Variants in GNA14 observed in about 807,000 individuals in gnomAD.
GNA14 encodes guanine nucleotide-binding protein subunit alpha-14.
GNA14 carries 50 observed loss-of-function variants against 42.0 expected under a neutral mutation model. That is an observed-to-expected ratio of 1.19 (90% CI 0.95 to 1.51). GNA14 has a LOEUF of 1.51. Among genes scored for constraint, GNA14 ranks in the 40% most tolerant of loss-of-function variants. The pLI is 0.00. For missense variants in GNA14, 473 were observed against 446.2 expected (o/e 1.06, Z -0.54); for synonymous variants, 173 against 163.1 (o/e 1.06, Z -0.46).
intron 2 of GNA14, among the ~76,000 whole-genome samples, chr9:77,483,404 A>ATGC (rs1305632272): frequency 6.6e-6 from 1 of 152,134 alleles, no homozygotes; most frequent in Non-Finnish European, 1.5e-5. Flanking sequence ...TGACCTGCAA[A>ATGC]TGCTGCTGCC....
intron 1 of GNA14, among the ~76,000 whole-genome samples, chr9:77,618,844 G>A (rs1021842783): frequency 1.7e-4 from 26 of 149,140 alleles, no homozygotes; most frequent in Admixed American, 1.3e-3. Flanking sequence ...CGTTTTAGCC[G>A]GGATGGTCTC....
At chr9:77,524,114 C>T (rs1837399824) in intron 2 of GNA14, among the ~76,000 whole-genome samples, 1 of 152,152 alleles carries the variant, frequency 6.6e-6, no homozygotes. Flanking sequence ...ATAAAACACT[C>T]TTGAGAGACA....
intron 2 of GNA14, among the ~76,000 whole-genome samples, chr9:77,472,788 A>ATCTCTCTCGATCTC (rs1836354744): frequency 7.0e-6 from 1 of 142,018 alleles, no homozygotes; most frequent in Non-Finnish European, 1.5e-5. Flanking sequence ...ACATGACATG[A>ATCTCTCTCGATCTC]TCTCTCTCTC....
chr9:77,425,574 G>A lies in GNA14; in HGVS notation c.865C>T (p.Pro289Ser). The A allele has an allele frequency of 1.2e-5, 20 of 1,604,780 alleles. No homozygotes were observed. The highest frequency in any genetic ancestry group is 1.5e-5 in the Non-Finnish European group (18 of 1,174,560). ...GATAGACACTTACCTGTGTATTCTG[G>A]GAAATAGCTAATTAGATGAGAGTAC... ...IMYSHLISYFPEYTGPKQDVR... is the reference protein window; with the variant it reads ...IMYSHLISYFSEYTGPKQDVR... Residue 289 changes from proline to serine, a missense_variant, in exon 6 of 7, where the codon CCA becomes TCA. Transcript: ENST00000341700.
At chr9:77,533,324 C>A (rs568574420) in intron 1 of GNA14, among the ~76,000 whole-genome samples, 5 of 152,158 alleles carry the variant, frequency 3.3e-5, no homozygotes, top group Non-Finnish European at 5.9e-5. Flanking sequence ...GGATTAGAGG[C>A]GTGTGCCACC....
intron 1 of GNA14, among the ~76,000 whole-genome samples, chr9:77,642,405 C>G (rs1007084412): frequency 1.3e-5 from 2 of 151,952 alleles, no homozygotes; most frequent in African/African-American, 4.8e-5. Context: ...CATATTATGG[C>G]AAAAAAGCAA....
intron 2 of GNA14, among the ~76,000 whole-genome samples, chr9:77,507,559 AC>A (rs1564035404): frequency 6.6e-6 from 1 of 152,190 alleles, no homozygotes; most frequent in East Asian, 1.9e-4. Context: ...TCATAAAAAA[AC>A]AGCTGTATTT....
At chr9:77,579,492 A>G (rs1035593401) in intron 1 of GNA14, among the ~76,000 whole-genome samples, 3 of 152,064 alleles carry the variant, frequency 2.0e-5, no homozygotes, top group African/African-American at 4.8e-5. Flanking sequence ...TAATTTCCCC[A>G]AAATCTAGTT....
intron 2 of GNA14, 134 bp from the exon 3 acceptor site, chr9:77,434,656 C>T: frequency 1.4e-6 from 1 of 698,586 alleles, no homozygotes; most frequent in Non-Finnish European, 2.4e-6. Flanking sequence ...TGGGCACCCT[C>T]CCAGGGGCCG....
intron 2 of GNA14, among the ~76,000 whole-genome samples, chr9:77,519,792 C>G (rs541041503): frequency 3.9e-5 from 6 of 152,100 alleles, no homozygotes; most frequent in African/African-American, 1.4e-4. Flanking sequence ...GGGTGCACAC[C>G]TGAGATCAGG....
chr9:77,617,581 A>G lies in GNA14; in HGVS notation c.124+30089T>C, dbSNP rs555647163. 3.9e-4 allele frequency among the ~76,000 whole-genome samples: 59 copies of G among 152,262 alleles called. 1 individual carries two copies. In the Middle Eastern group the frequency reaches 0.01, roughly 26 times the overall value. ...CACCATTACCACATGTTATCTGTCC[A>G]GCAATCAGAGCTTTCTTTTTAAAAA... On this transcript the variant is annotated intron_variant, in intron 1 of 6. Transcript: ENST00000341700.
chr9:77,640,201 G>A (rs1824236348), intron 1 of GNA14, among the ~76,000 whole-genome samples: 1 of 152,192 alleles, frequency 6.6e-6, no homozygotes, highest in Non-Finnish European at 1.5e-5. Flanking sequence ...CAACTGCCCT[G>A]GCACTTGCTC....
In GNA14 at chr9:77,434,439, G is replaced by C. The variant is rs770472472; in HGVS notation, c.393C>G (p.Leu131=). 4.3e-6 allele frequency: 7 copies of C among 1,613,808 alleles called. No individual in the cohort carries two copies. The African/African-American group carries it at 9.3e-5, about 22-fold the overall frequency. ...ACTCCTGGATGCCTGGATCTTGCCA[G>C]AGCTGCTTGATGGCCTCCACCTGCT... is the stretch of plus-strand genomic sequence containing the variant. ...SREQVEAIKQ[L]WQDPGIQECY... is the part of the protein sequence containing the mutation. Residue 131 remains leucine, a synonymous_variant, in exon 3 of 7, where the codon CTC becomes CTG. Transcript: ENST00000341700.
intron 2 of GNA14, among the ~76,000 whole-genome samples, chr9:77,488,346 C>T (rs1836696451): frequency 6.6e-6 from 1 of 152,180 alleles, no homozygotes. Context: ...AGCCTCCCCA[C>T]CTTCTTGGGT....
chr9:77,597,813 C>G (rs903091793), intron 1 of GNA14, among the ~76,000 whole-genome samples: 63 of 151,858 alleles, frequency 4.1e-4, no homozygotes, highest in African/African-American at 1.5e-3. Context: ...ATAATCCATC[C>G]CAGCACTTTG....
chr9:77,506,820 T>C (rs141175615), intron 2 of GNA14, among the ~76,000 whole-genome samples: 5 of 152,306 alleles, frequency 3.3e-5, no homozygotes, highest in African/African-American at 4.8e-5. Context: ...GTCACTACCA[T>C]ATTGGACAGC....
chr9:77,591,180 C>T (rs1293071368), intron 1 of GNA14, among the ~76,000 whole-genome samples: 1 of 152,196 alleles, frequency 6.6e-6, no homozygotes, highest in African/African-American at 2.4e-5. Flanking sequence ...CCTGATCATA[C>T]CCTTCCTACA....
intron 2 of GNA14, among the ~76,000 whole-genome samples, chr9:77,509,438 T>A (rs1837124072): frequency 6.6e-6 from 1 of 152,248 alleles, no homozygotes; most frequent in Non-Finnish European, 1.5e-5. Context: ...TTTGAGACCC[T>A]GTTTCCAAAT....
intron 1 of GNA14, among the ~76,000 whole-genome samples, chr9:77,589,728 C>G (rs1287730126): frequency 1.3e-5 from 2 of 152,182 alleles, no homozygotes; most frequent in Non-Finnish European, 2.9e-5. Context: ...TGCAAAAGCA[C>G]ATTGTCATTT....
Sources: allele counts gnomAD v4.1 joint callset (sites outside exome capture counted in the v4.1 genomes callset), GRCh38; gene constraint gnomAD v4.1.1; transcripts MANE v1.5; gene names NCBI Gene and HGNC (gene_info 2026-07-23, HGNC 2026-07-21).